The following SPOCK3 variants were observed in gnomAD, a reference collection of about 807,000 sequenced individuals.
The protein encoded by SPOCK3 is testican-3.
A neutral mutation model predicts 56.6 loss-of-function variants in SPOCK3; 30 were observed. The observed-to-expected ratio is 0.53, with a 90% CI of 0.40 to 0.72. The LOEUF (loss-of-function observed/expected upper bound fraction) is 0.72. Ranked by LOEUF, SPOCK3 falls within the 30% of genes least tolerant of loss-of-function variation. The pLI, the probability that SPOCK3 is intolerant of heterozygous loss-of-function variation, is 0.00. For synonymous variants in SPOCK3, 196 were observed against 183.3 expected (o/e 1.07, Z -0.56); for missense variants, 527 against 530.0 (o/e 0.99, Z 0.06).
chr4:166,910,942 C>T (rs1167386529), intron 5 of SPOCK3, among the ~76,000 whole-genome samples: 2 of 152,166 alleles, frequency 1.3e-5, no homozygotes, highest in African/African-American at 4.8e-5. Context: ...TTGAATATTA[C>T]AATCTGCATC....
intron 2 of SPOCK3, among the ~76,000 whole-genome samples, chr4:167,112,062 G>A (rs1306329141): frequency 6.6e-6 from 1 of 152,020 alleles, no homozygotes; most frequent in Non-Finnish European, 1.5e-5. Flanking sequence ...CCCCAGCCTC[G>A]AAGTAACTTT....
At chr4:166,735,951 T>C (rs566430486) in intron 10 of SPOCK3, among the ~76,000 whole-genome samples, 64 of 152,110 alleles carry the variant, frequency 4.2e-4, no homozygotes, top group Non-Finnish European at 7.8e-4. Flanking sequence ...TTAACACTTA[T>C]GGAGGCAATA....
chr4:166,942,825 A>G (rs1180756375), intron 4 of SPOCK3, among the ~76,000 whole-genome samples: 1 of 152,214 alleles, frequency 6.6e-6, no homozygotes, highest in African/African-American at 2.4e-5. Context: ...TAAAAAGTCT[A>G]TTAAGCAATA....
At chr4:167,197,846 C>G (rs1222186349) in intron 2 of SPOCK3, among the ~76,000 whole-genome samples, 2 of 152,070 alleles carry the variant, frequency 1.3e-5, no homozygotes, top group Admixed American at 1.3e-4. Context: ...TTCTTCATTA[C>G]CATTTATAAA....
intron 6 of SPOCK3, among the ~76,000 whole-genome samples, chr4:166,860,871 C>G (rs1008117426): frequency 6.1e-5 from 7 of 115,578 alleles, no homozygotes; most frequent in African/African-American, 2.7e-4. Context: ...TTGTAAACCT[C>G]ATAGAATACT....
chr4:167,164,613 C>T (rs1277993010), intron 2 of SPOCK3, among the ~76,000 whole-genome samples: 2 of 151,726 alleles, frequency 1.3e-5, no homozygotes, highest in Non-Finnish European at 2.9e-5. Context: ...CCACACAGGC[C>T]CCGGTGTGTG....
chr4:167,075,920 T>C (rs538069528), intron 2 of SPOCK3, among the ~76,000 whole-genome samples: 4 of 152,098 alleles, frequency 2.6e-5, no homozygotes, highest in South Asian at 4.1e-4. Flanking sequence ...AAGATAAATA[T>C]GTTTGCACAT....
intron 2 of SPOCK3, among the ~76,000 whole-genome samples, chr4:167,165,092 C>T (rs554507015): frequency 1.3e-5 from 2 of 152,194 alleles, no homozygotes; most frequent in African/African-American, 4.8e-5. Context: ...CACAAATTCG[C>T]CAGCATCTAT....
At chr4:166,876,389 AGAAGC>A (rs1733087844) in intron 6 of SPOCK3, among the ~76,000 whole-genome samples, 1 of 152,206 alleles carries the variant, frequency 6.6e-6, no homozygotes, top group African/African-American at 2.4e-5. Flanking sequence ...AAAGCTATTT[AGAAGC>A]TCCGTGGAAG....
intron 9 of SPOCK3, among the ~76,000 whole-genome samples, chr4:166,740,548 T>C (rs1435891221): frequency 2.0e-5 from 3 of 150,126 alleles, no homozygotes; most frequent in Middle Eastern, 3.5e-3. Context: ...ATTTCTGAGA[T>C]GGAGTCTCGC....
chr4:167,014,916 G>A (rs1018204931), intron 3 of SPOCK3, among the ~76,000 whole-genome samples: 1 of 151,768 alleles, frequency 6.6e-6, no homozygotes, highest in Non-Finnish European at 1.5e-5. Flanking sequence ...TTTTATTTTA[G>A]TAAATTATAC....
chr4:166,778,016 C>T (rs1739760474), intron 7 of SPOCK3, among the ~76,000 whole-genome samples: 1 of 152,108 alleles, frequency 6.6e-6, no homozygotes, highest in South Asian at 2.1e-4. Flanking sequence ...AATGCTTTTG[C>T]TTGTCCTGCT....
intron 3 of SPOCK3, among the ~76,000 whole-genome samples, chr4:167,052,021 T>A (rs1446478051): frequency 6.6e-6 from 1 of 152,226 alleles, no homozygotes; most frequent in Non-Finnish European, 1.5e-5. Context: ...TAATGTGATA[T>A]GAAGTAAATC....
intron 6 of SPOCK3, among the ~76,000 whole-genome samples, chr4:166,854,761 A>G (rs1730480928): frequency 6.6e-6 from 1 of 152,196 alleles, no homozygotes; most frequent in African/African-American, 2.4e-5. Context: ...GGTAATTAAT[A>G]AGTTAATGAG....
chr4:166,809,722 A>G (rs1579292220), intron 6 of SPOCK3, among the ~76,000 whole-genome samples: 1 of 152,084 alleles, frequency 6.6e-6, no homozygotes, highest in African/African-American at 2.4e-5. Context: ...TAAAGAGATA[A>G]GCAGCCCCTG....
intron 4 of SPOCK3, among the ~76,000 whole-genome samples, chr4:166,969,774 A>G (rs978603043): frequency 8.5e-5 from 13 of 152,206 alleles, no homozygotes; most frequent in Admixed American, 7.9e-4. Flanking sequence ...AGACTAATAC[A>G]GAAGGCTAAT....
intron 6 of SPOCK3, among the ~76,000 whole-genome samples, chr4:166,842,239 AC>A (rs1477655007): frequency 2.0e-5 from 3 of 152,338 alleles, no homozygotes; most frequent in East Asian, 1.9e-4. Context: ...GGACTTCAGC[AC>A]GTTGCTTTTG....
At chr4:166,902,598 T>C (rs994385731) in intron 5 of SPOCK3, among the ~76,000 whole-genome samples, 1 of 151,600 alleles carries the variant, frequency 6.6e-6, no homozygotes, top group Non-Finnish European at 1.5e-5. Flanking sequence ...ATATGATATA[T>C]ATAATATTTG....
chr4:167,200,665 G>C (rs1354119384), intron 2 of SPOCK3, among the ~76,000 whole-genome samples: 1 of 152,024 alleles, frequency 6.6e-6, no homozygotes, highest in Non-Finnish European at 1.5e-5. Context: ...CCTCCCCAGA[G>C]TTGCTGATTT....
Sources: gnomAD v4.1 joint callset for allele counts (sites outside exome capture counted in the v4.1 genomes callset) on GRCh38, gnomAD v4.1.1 for gene constraint, MANE v1.5 for transcripts, NCBI Gene and HGNC (gene_info 2026-07-23, HGNC 2026-07-21) for gene names.